The following HNRNPL variants were observed in gnomAD, a reference collection of about 807,000 sequenced individuals.
HNRNPL encodes the protein epididymis secretory sperm binding protein.
A neutral mutation model predicts 64.0 loss-of-function variants in HNRNPL; 12 were observed. The ratio of observed to expected loss-of-function variants is 0.19; its 90% CI spans 0.12 to 0.30. HNRNPL has a LOEUF of 0.30. Ranked by LOEUF, HNRNPL falls within the 10% of genes least tolerant of loss-of-function variation. The probability of loss-of-function intolerance (pLI) is 1.00; values close to 1 mark genes in which losing one functional copy is unlikely to be tolerated. For missense variants in HNRNPL, 484 were observed against 797.4 expected (o/e 0.61, Z 4.73); for synonymous variants, 385 against 313.0 (o/e 1.23, Z -2.43).
chr19:38,848,988 G>A (rs554896661), intron 1 of HNRNPL, among the ~76,000 whole-genome samples: 6 of 152,258 alleles, frequency 3.9e-5, no homozygotes, highest in South Asian at 2.1e-4. Flanking sequence ...TGTTTTCGGA[G>A]GGACTGATTA....
chr19:38,851,486 G>C (rs1046911259), upstream of HNRNPL, among the ~76,000 whole-genome samples: 1 of 152,156 alleles, frequency 6.6e-6, no homozygotes, highest in South Asian at 2.1e-4. Context: ...CCAAAGGGGG[G>C]AAAAGAAATA....
At position 38,840,322 on chromosome 19, in the gene HNRNPL, G is replaced by C; in HGVS notation, c.1007C>G (p.Pro336Arg). The C allele has an allele frequency of 1.3e-6, 2 of 1,546,392 alleles. No individual in the cohort carries two copies. Among genetic ancestry groups the C allele is most frequent in the Non-Finnish European group, 1.8e-6 (2 of 1,139,932 alleles). ...SHYHDEGYGP[P>R]PPHYEGRRMG... ...CCTTCTCCCTTCGTAGTGAGGTGGG[G>C]GGGGCCCGTAGCCCTCATCATGGTA... The change falls in exon 8 of 13, where the codon CCC becomes CGC. Residue 336 changes from proline to arginine, a missense_variant. This residue lies in a region of HNRNPL where 46 missense variants were observed against 37.4 expected (regional missense o/e 1.23). Coordinates refer to ENST00000221419, the MANE Select transcript of HNRNPL (RefSeq NM_001533.3).
Position 38,837,421 on chromosome 19 carries a change from A to G in HNRNPL, c.1674T>C (p.Thr558=). The part of the protein sequence containing the change: ...EWESKSDALE[T]LGFLNHYQMK... Reference sequence around the variant, plus strand: ...TCTGGTAATGGTTCAGGAAGCCCAGAGTCTCCAGGGCATCGCTCTTGGATT... The same window carrying G: ...TCTGGTAATGGTTCAGGAAGCCCAGGGTCTCCAGGGCATCGCTCTTGGATT... The change falls in exon 12 of 13, where the codon ACT becomes ACC. Residue 558 remains threonine, a synonymous_variant. Transcript: ENST00000221419. 2.5e-6 allele frequency: 4 copies of G among 1,614,162 alleles called. No homozygotes were observed. The highest frequency in any genetic ancestry group is 2.5e-6 in the Non-Finnish European group (3 of 1,179,956).
Position 38,845,836 on chromosome 19 carries a change from T to C in HNRNPL, c.624+17A>G, listed in dbSNP as rs73930212. 4,644 of 1,608,880 alleles carry C rather than the reference T, an allele frequency of 2.9e-3. 89 individuals are homozygous for C. In the African/African-American group the frequency reaches 0.052, roughly 18 times the overall value. Reference sequence around the variant, plus strand: ...AAAGGAAGGGAGACCTCACAAGAAATGCCTGCTGGCACGTACCGTGGTGAT... The same window carrying C: ...AAAGGAAGGGAGACCTCACAAGAAACGCCTGCTGGCACGTACCGTGGTGAT... On this transcript the variant is annotated intron_variant, in intron 3 of 12. Transcript: ENST00000221419.
intron 8 of HNRNPL, 98 bp downstream of exon 8, chr19:38,839,997 CG>C: frequency 8.5e-7 from 1 of 1,180,406 alleles, no homozygotes; most frequent in South Asian, 1.3e-5. Context: ...GGCGTCTGCC[CG>C]CCCAGCGCCA....
At chr19:38,838,152 G>C (rs1182963687) in intron 10 of HNRNPL, among the ~76,000 whole-genome samples, 1 of 152,240 alleles carries the variant, frequency 6.6e-6, no homozygotes, top group African/African-American at 2.4e-5. Flanking sequence ...TGCCCTGCTT[G>C]CCAAAAATGT....
chr19:38,850,204 C>T (rs1568377324), upstream of HNRNPL: 1 of 408,538 alleles, frequency 2.4e-6, no homozygotes, highest in African/African-American at 2.1e-5. Context: ...TCGACCCCGC[C>T]GCCTTAAAAT....
At chr19:38,850,485 A>C (rs944864768), upstream of HNRNPL, among the ~76,000 whole-genome samples, 4 of 152,128 alleles carry the variant, frequency 2.6e-5, no homozygotes, top group African/African-American at 9.7e-5. Flanking sequence ...TGGAGAGTGG[A>C]GCGCACCCTC....
Position 38,849,911 on chromosome 19 carries a change from C to T in HNRNPL, c.56G>A (p.Arg19Lys), listed in dbSNP as rs1600074071. Reference sequence around the variant, plus strand: ...CCTCCGCTGCTCGTCCGGCTGCTGCCTCTGCTCCAGCCGCCGACGCCGCTT... The same window carrying T: ...CCTCCGCTGCTCGTCCGGCTGCTGCTTCTGCTCCAGCCGCCGACGCCGCTT... ...AEKRRRRLEQRQQPDEQRRRS... is the reference protein window; with the variant it reads ...AEKRRRRLEQKQQPDEQRRRS... The change falls in exon 1 of 13, where the codon AGG (arginine) becomes AAG (lysine). Residue 19 changes from arginine to lysine, a missense_variant. Arg to Lys is a conservative substitution (Grantham distance 26, BLOSUM62 2). Around this residue, in one of 9 missense-constraint regions of HNRNPL, gnomAD observed 190 missense variants for 160.1 expected, o/e 1.19. Transcript: ENST00000221419. 3 of 1,300,742 alleles carry T rather than the reference C, an allele frequency of 2.3e-6. No homozygotes were observed. The highest frequency in any genetic ancestry group is 1.3e-5 in the South Asian group (1 of 78,702). 80.6% of individuals were successfully genotyped at this position (1,300,742 alleles called of 1,614,324 possible).
upstream of HNRNPL, among the ~76,000 whole-genome samples, chr19:38,852,137 G>A (rs1972519208): frequency 7.0e-6 from 1 of 142,632 alleles, no homozygotes; most frequent in South Asian, 2.3e-4. Context: ...GGCGCCGCAC[G>A]TTCCAGGCCG....
At chr19:38,845,627 A>G (rs780233151) in intron 4 of HNRNPL, 23 bp downstream of exon 4, 1 of 1,587,364 alleles carries the variant, frequency 6.3e-7, no homozygotes, top group Non-Finnish European at 8.7e-7. Context: ...CCTAAGGAAC[A>G]CCTGTTTTCC....
intron 9 of HNRNPL, 106 bp downstream of exon 9, chr19:38,838,788 C>T (rs1972014079): frequency 2.0e-6 from 3 of 1,481,068 alleles, no homozygotes; most frequent in Non-Finnish European, 9.4e-7. Context: ...CATCCCATTT[C>T]TGTGTGAGTC....
upstream of HNRNPL, among the ~76,000 whole-genome samples, chr19:38,851,580 G>A (rs1292978630): frequency 1.3e-5 from 2 of 152,218 alleles, no homozygotes; most frequent in East Asian, 3.9e-4. Context: ...GGGGGATTTC[G>A]AGTTGAGGTC....
In HNRNPL at chr19:38,840,082, C is replaced by T. The variant is rs184412758; in HGVS notation, c.1233+14G>A. On this transcript the variant is annotated intron_variant, in intron 8 of 12. Transcript: ENST00000221419. The stretch of plus-strand genomic sequence containing the variant: ...GGCTCAGCGAGGAACCCAGGGGGCC[C>T]GGCAGCAGCTCACCTTCTCCACATT... 594 of 1,612,968 alleles carry T rather than the reference C, an allele frequency of 3.7e-4. 5 individuals are homozygous for T. The African/African-American group carries it at 5.9e-3, about 16-fold the overall frequency.
chr19:38,847,479 G>C lies in HNRNPL; in HGVS notation c.268-45C>G, dbSNP rs751084823. On this transcript the variant is annotated intron_variant, in intron 1 of 12. Transcript: ENST00000221419. ...CAAGAATTATTTTCTTGCTGTACAA[G>C]ATGACGCCCCACTGGCCTCTGTACT... The C allele has an allele frequency of 3.2e-6, 4 of 1,248,976 alleles. No homozygotes were observed. In the East Asian group the frequency reaches 1.1e-4, roughly 33 times the overall value. The allele number at this position is 1,248,976 out of a possible 1,614,324, so 77.4% of individuals were successfully genotyped here.
intron 12 of HNRNPL, 90 bp downstream of exon 12, chr19:38,837,294 A>C: frequency 1.0e-6 from 1 of 1,001,254 alleles, no homozygotes; most frequent in Admixed American, 1.8e-5. Context: ...CCGGGGTCCT[A>C]TCTCAAGGGC....
chr19:38,849,958 C>G lies in HNRNPL; in HGVS notation c.9G>C (p.Arg3=), dbSNP rs1007581607. ...GCTTCTCCGCCCGGGGCAGCAGCCT[C>G]CGCGACATGGCGGCGCAGAACCCGC... MS[R]RLLPRAEKRR... is the part of the protein sequence containing the mutation. Residue 3 remains arginine (R), a synonymous_variant, in exon 1 of 13, where the codon CGG becomes CGC. Transcript: ENST00000221419. The G allele has an allele frequency of 4.5e-6, 6 of 1,347,090 alleles. No individual in the cohort carries two copies. The highest frequency in any genetic ancestry group is 3.0e-5 in the African/African-American group (2 of 65,582). 83.4% of individuals were successfully genotyped at this position (1,347,090 alleles called of 1,614,324 possible). A position where few individuals can be genotyped will look rare whatever the true frequency, so the allele number is the denominator to read the frequency against.
At chr19:38,841,461 C>T in intron 6 of HNRNPL, 2 of 407,862 alleles carry the variant, frequency 4.9e-6, no homozygotes, top group South Asian at 1.8e-5. Flanking sequence ...CTGGCTGACT[C>T]CAAAACCCAG....
chr19:38,845,500 C>T (rs907630451), intron 4 of HNRNPL, 150 bp downstream of exon 4: 2 of 672,662 alleles, frequency 3.0e-6, no homozygotes, highest in Non-Finnish European at 5.4e-6. Flanking sequence ...TTAACTGCCT[C>T]CCTACTCAGT....
Sources: allele counts gnomAD v4.1 joint callset (sites outside exome capture counted in the v4.1 genomes callset), GRCh38; gene constraint gnomAD v4.1.1; regional missense constraint gnomAD v4.1.1; transcripts MANE v1.5; gene names NCBI Gene and HGNC (gene_info 2026-07-23, HGNC 2026-07-21).